The following SPMIP2 variants were observed in gnomAD, a reference collection of about 807,000 sequenced individuals.
The protein encoded by SPMIP2 is protein SPMIP2.
chr4:158,938,423 T>C, the SPMIP2 span, among the ~76,000 whole-genome samples: 1 of 152,256 alleles, frequency 6.6e-6, no homozygotes, highest in Non-Finnish European at 1.5e-5. Context: ...GTGACTGTTT[T>C]GGTTTGATTT....
the SPMIP2 span, among the ~76,000 whole-genome samples, chr4:159,050,089 G>T: frequency 1.3e-5 from 2 of 152,112 alleles, no homozygotes; most frequent in African/African-American, 4.8e-5. Flanking sequence ...TGCTCTTTTT[G>T]ACCCTGCAGG....
At chr4:159,016,970 G>A in the SPMIP2 span, among the ~76,000 whole-genome samples, 1 of 152,172 alleles carries the variant, frequency 6.6e-6, no homozygotes, top group Admixed American at 6.5e-5. Flanking sequence ...GAGACGGGAG[G>A]GGCCCGGGTG....
chr4:158,940,272 C>A, the SPMIP2 span, among the ~76,000 whole-genome samples: 3 of 152,156 alleles, frequency 2.0e-5, no homozygotes, highest in Non-Finnish European at 2.9e-5. Flanking sequence ...GGGCCCACCA[C>A]AATGACCTCA....
chr4:159,015,924 G>A, the SPMIP2 span, among the ~76,000 whole-genome samples: 1 of 152,180 alleles, frequency 6.6e-6, no homozygotes, highest in East Asian at 1.9e-4. Flanking sequence ...TTATAATGTA[G>A]CTAAGAAAAG....
At chr4:158,893,732 A>C in the SPMIP2 span, 2 of 1,556,300 alleles carry the variant, frequency 1.3e-6, no homozygotes, top group Admixed American at 3.7e-5. Flanking sequence ...AAGAGAAGTA[A>C]TGTATATTAG....
At chr4:158,923,672 ACTT>A in the SPMIP2 span, among the ~76,000 whole-genome samples, 2 of 152,288 alleles carry the variant, frequency 1.3e-5, no homozygotes, top group East Asian at 1.9e-4. Context: ...AGATAGTATT[ACTT>A]CTTCTTCTCC....
At chr4:158,904,573 A>C in the SPMIP2 span, 1 of 1,590,082 alleles carries the variant, frequency 6.3e-7, no homozygotes, top group Non-Finnish European at 8.6e-7. Context: ...TCTTCCTTGG[A>C]AGAAAAAAAT....
At chr4:158,928,666 G>A in the SPMIP2 span, among the ~76,000 whole-genome samples, 2 of 152,152 alleles carry the variant, frequency 1.3e-5, no homozygotes, top group Non-Finnish European at 2.9e-5. Flanking sequence ...AACCCGCTCG[G>A]GTACCCTTCC....
the SPMIP2 span, among the ~76,000 whole-genome samples, chr4:159,037,444 C>CTTT: frequency 4.2e-5 from 6 of 143,824 alleles, no homozygotes; most frequent in African/African-American, 1.3e-4. Flanking sequence ...CTGTTCCTTC[C>CTTT]TTTTTTTTTT....
At chr4:158,972,458 A>AT in the SPMIP2 span, among the ~76,000 whole-genome samples, 1 of 152,178 alleles carries the variant, frequency 6.6e-6, no homozygotes, top group Non-Finnish European at 1.5e-5. Flanking sequence ...GATACATTTA[A>AT]TTTTCAGACA....
the SPMIP2 span, among the ~76,000 whole-genome samples, chr4:158,994,729 GT>G: frequency 6.6e-6 from 1 of 152,180 alleles, no homozygotes; most frequent in Non-Finnish European, 1.5e-5. Flanking sequence ...CAAGGTAAAG[GT>G]CAGAGAGCGA....
At chr4:158,904,613 A>G in the SPMIP2 span, 1 of 1,333,624 alleles carries the variant, frequency 7.5e-7, no homozygotes, top group South Asian at 1.2e-5. Context: ...GAAAGGAATA[A>G]GCTCTCTGTG....
chr4:158,971,825 C>T, the SPMIP2 span, among the ~76,000 whole-genome samples: 3 of 152,300 alleles, frequency 2.0e-5, no homozygotes, highest in South Asian at 2.1e-4. Flanking sequence ...AAGACACTGA[C>T]GCACAGAGGC....
At chr4:159,034,890 C>CAAA in the SPMIP2 span, 7 of 512,468 alleles carry the variant, frequency 1.4e-5, no homozygotes, top group African/African-American at 2.2e-5. Context: ...GACTCTGTCT[C>CAAA]AAAAAAAAAA....
At chr4:158,981,546 AAT>A in the SPMIP2 span, among the ~76,000 whole-genome samples, 1 of 152,200 alleles carries the variant, frequency 6.6e-6, no homozygotes, top group African/African-American at 2.4e-5. Context: ...AATAGGGGCC[AAT>A]ATTCAACATT....
the SPMIP2 span, among the ~76,000 whole-genome samples, chr4:158,930,191 G>GTC: frequency 0.076 from 10,961 of 144,128 alleles, 591 homozygotes; most frequent in African/African-American, 0.15. Flanking sequence ...GAGGATCTCA[G>GTC]TCTCTCTCTC....
chr4:159,048,761 G>C, the SPMIP2 span, among the ~76,000 whole-genome samples: 7 of 125,092 alleles, frequency 5.6e-5, no homozygotes, highest in Admixed American at 5.4e-4. Flanking sequence ...TTTTGAGAGA[G>C]TGTCCCTATG....
chr4:159,002,146 C>G, the SPMIP2 span, among the ~76,000 whole-genome samples: 1 of 151,852 alleles, frequency 6.6e-6, no homozygotes, highest in Non-Finnish European at 1.5e-5. Context: ...ATCCTTATCA[C>G]TTGCCCACTT....
the SPMIP2 span, among the ~76,000 whole-genome samples, chr4:158,968,066 G>C: frequency 6.6e-6 from 1 of 152,198 alleles, no homozygotes; most frequent in Non-Finnish European, 1.5e-5. Flanking sequence ...GTCTCACTCT[G>C]TCACCCAGGC....
Sources: allele counts gnomAD v4.1 joint callset (sites outside exome capture counted in the v4.1 genomes callset), GRCh38; gene constraint gnomAD v4.1.1; transcripts MANE v1.5; gene names NCBI Gene and HGNC (gene_info 2026-07-23, HGNC 2026-07-21).